TBC1D30: variants seen among roughly 807,000 people sequenced by gnomAD.
TBC1D30 encodes TBC1 domain family, member 30.
A neutral mutation model predicts 63.2 loss-of-function variants in TBC1D30; 31 were observed. That is an observed-to-expected ratio of 0.49 (90% CI 0.37 to 0.66). The LOEUF is 0.66. Ranked by LOEUF, TBC1D30 falls within the 30% of genes least tolerant of loss-of-function variation. The pLI is 0.00. For synonymous variants in TBC1D30, 307 were observed against 361.5 expected (o/e 0.85, Z 1.71); for missense variants, 810 against 953.6 (o/e 0.85, Z 1.98).
chr12:64,870,588 T>C lies in TBC1D30; in HGVS notation c.1292-14T>C. The C allele has an allele frequency of 6.5e-7, 1 of 1,535,560 alleles. No individual in the cohort carries two copies. The highest frequency in any genetic ancestry group is 8.7e-7 in the Non-Finnish European group (1 of 1,146,354). On this transcript the variant is annotated splice_polypyrimidine_tract_variant and intron_variant, in intron 10 of 11. Coordinates refer to ENST00000539867, the MANE Select transcript of TBC1D30 (RefSeq NM_015279.2). ...CCACCGACCATCTCCTTATGTCTCA[T>C]CCTTCGAGCGCAGAGCCAAATGAGG...
rs974888665 is a variant in TBC1D30 at position 64,878,784 on chromosome 12, T to C, written c.*2996T>C. 3.4e-5 allele frequency: 10 copies of C among 296,830 alleles called. No homozygotes were observed. Among genetic ancestry groups the C allele is most frequent in the Middle Eastern group, 2.5e-3 (2 of 790 alleles). 18.4% of individuals were successfully genotyped at this position (296,830 alleles called of 1,614,324 possible). A position where few individuals can be genotyped will look rare whatever the true frequency, so the allele number is the denominator to read the frequency against. ...ATAAGCTCTATCTCCCCCAGTCTAA[T>C]CGCTGGGTTGCAGGGTGGCCTGTGA... On this transcript the variant is annotated 3_prime_UTR_variant, in exon 12 of 12. Transcript: ENST00000539867.
chr12:64,864,444 C>T (rs987577107), intron 8 of TBC1D30, among the ~76,000 whole-genome samples: 5 of 152,156 alleles, frequency 3.3e-5, no homozygotes, highest in Non-Finnish European at 5.9e-5. Flanking sequence ...TTGGAATGCC[C>T]AGCTGCAGCT....
intron 1 of TBC1D30, among the ~76,000 whole-genome samples, chr12:64,783,758 C>A (rs896696051): frequency 1.2e-4 from 18 of 150,906 alleles, no homozygotes; most frequent in Non-Finnish European, 1.0e-4. Flanking sequence ...ATGTAAGAAC[C>A]CTTTTGTGGA....
Position 64,875,622 on chromosome 12 carries a change from C to T in TBC1D30, c.2120C>T (p.Pro707Leu). The change falls in exon 12 of 12, where the codon CCC becomes CTC. Residue 707 changes from proline to leucine, a missense_variant. Transcript: ENST00000539867. ...KAPQGSNSKT[P>L]IFSPFPSVKP... is the part of the protein sequence containing the mutation. ...CCCCAAGGCAGCAACTCAAAAACCC[C>T]CATCTTTAGCCCTTTTCCCAGCGTC... 6.5e-7 allele frequency: 1 copy of T among 1,536,240 alleles called. No homozygotes were observed. The highest frequency in any genetic ancestry group is 8.7e-7 in the Non-Finnish European group (1 of 1,146,944).
chr12:64,880,478 T>A lies in TBC1D30; in HGVS notation c.*4690T>A, dbSNP rs1191600231. The stretch of plus-strand genomic sequence containing the variant: ...AAGGGCCCTCTTCCTGGTTTGCAGA[T>A]GGCTACCTTCTCACTGTGTCCTCAC... On this transcript the variant is annotated 3_prime_UTR_variant, in exon 12 of 12. Coordinates refer to ENST00000539867, the MANE Select transcript of TBC1D30 (RefSeq NM_015279.2). 1.3e-5 allele frequency: 2 copies of A among 152,274 alleles called. No individual in the cohort carries two copies. Among genetic ancestry groups the A allele is most frequent in the Non-Finnish European group, 2.9e-5 (2 of 68,074 alleles). The allele number at this position is 152,274 out of a possible 1,614,324, so 9.4% of individuals were successfully genotyped here. A position where few individuals can be genotyped will look rare whatever the true frequency, so the allele number is the denominator to read the frequency against.
chr12:64,875,119 C>T lies in TBC1D30; in HGVS notation c.1617C>T (p.Ile539=). Residue 539 remains isoleucine, a synonymous_variant, in exon 12 of 12, where the codon ATC becomes ATT. Transcript: ENST00000539867. ...ACAGAGCTGCCAAGAATGCTGTCAT[C>T]CACATCCCTGGTCACACAGGAGGGA... ...MTNRAAKNAV[I]HIPGHTGGKI... is the part of the protein sequence containing the mutation. The T allele has an allele frequency of 6.5e-7, 1 of 1,536,516 alleles. No individual in the cohort carries two copies. Among genetic ancestry groups the T allele is most frequent in the Non-Finnish European group, 8.7e-7 (1 of 1,146,948 alleles).
At chr12:64,793,631 A>G (rs1291228665) in intron 2 of TBC1D30, among the ~76,000 whole-genome samples, 1 of 152,206 alleles carries the variant, frequency 6.6e-6, no homozygotes, top group Non-Finnish European at 1.5e-5. Flanking sequence ...ACTGCACTCC[A>G]GCCTGGGCAA....
chr12:64,865,802 A>G (rs1039362020), intron 9 of TBC1D30, among the ~76,000 whole-genome samples: 13 of 152,188 alleles, frequency 8.5e-5, no homozygotes, highest in South Asian at 4.2e-4. Context: ...ATAGTATATT[A>G]TTGGAAACCA....
In TBC1D30 at chr12:64,780,582, G is replaced by C. The variant is rs1871214015; in HGVS notation, c.-227G>C. On this transcript the variant is annotated 5_prime_UTR_variant, in exon 1 of 13. Transcript: ENST00000542120. ...CGGGCCCGGGCAGCAGGTGGCCCCA[G>C]GTAGCTCAGTGGCGTGGCAGTCTCC... Among the ~76,000 whole-genome samples the C allele has an allele frequency of 2.0e-5, 3 of 152,226 alleles. No individual in the cohort carries two copies. The South Asian group carries it at 6.2e-4, about 32-fold the overall frequency.
chr12:64,836,529 T>A lies in TBC1D30; in HGVS notation c.634T>A (p.Tyr212Asn). Residue 212 changes from tyrosine to asparagine, a missense_variant, in exon 6 of 12, where the codon TAT (tyrosine) becomes AAT (asparagine). By Grantham distance (143) the Tyr-to-Asn change is moderately radical. Coordinates refer to ENST00000539867, the MANE Select transcript of TBC1D30 (RefSeq NM_015279.2). ...TATTGATAAGGTACTTCCCGAAAGC[T>A]ATTTCGTCAATAATCTCCGGGCATT... ...YLIDKVLPES[Y>N]FVNNLRALSV... 1 of 1,536,048 alleles carries A rather than the reference T, an allele frequency of 6.5e-7. No homozygotes were observed. Among genetic ancestry groups the A allele is most frequent in the Non-Finnish European group, 8.7e-7 (1 of 1,146,846 alleles).
At chr12:64,802,351 A>T (rs1281496264) in intron 2 of TBC1D30, among the ~76,000 whole-genome samples, 1 of 151,878 alleles carries the variant, frequency 6.6e-6, no homozygotes, top group African/African-American at 2.4e-5. Context: ...CTGGGTGGAG[A>T]CGAAAAGGGT....
intron 1 of TBC1D30, among the ~76,000 whole-genome samples, chr12:64,762,798 T>G (rs2136266622): frequency 6.6e-6 from 1 of 152,250 alleles, no homozygotes; most frequent in South Asian, 2.1e-4. Context: ...ATAATTTAGT[T>G]TTTTCTCTAG....
chr12:64,774,496 T>G lies in TBC1D30; in HGVS notation c.-375-11385T>G, dbSNP rs574029905. On this transcript the variant is annotated intron_variant, in intron 1 of 13. Coordinates refer to the TBC1D30 transcript ENST00000674237. ...TCCCCAAGACACATAATTAACACAT[T>G]CCCTAAGGTCAAAATGAAAGAAAAA... Among the ~76,000 whole-genome samples the G allele has an allele frequency of 2.0e-5, 3 of 151,946 alleles. No homozygotes were observed. In the South Asian group the frequency reaches 6.2e-4, roughly 32 times the overall value.
chr12:64,812,329 T>C (rs1873264284), intron 2 of TBC1D30, among the ~76,000 whole-genome samples: 1 of 152,226 alleles, frequency 6.6e-6, no homozygotes, highest in Non-Finnish European at 1.5e-5. Context: ...CTGCCCAGTG[T>C]CTGATCCACA....
intron 1 of TBC1D30, among the ~76,000 whole-genome samples, chr12:64,772,460 C>T (rs1164178386): frequency 2.0e-5 from 3 of 151,852 alleles, no homozygotes; most frequent in African/African-American, 4.8e-5. Flanking sequence ...GACAGAGTCT[C>T]ACTCTGTCGC....
In TBC1D30 at chr12:64,793,839, A is replaced by G. The variant is rs541731289; in HGVS notation, c.643+7794A>G. Among the ~76,000 whole-genome samples the G allele has an allele frequency of 5.3e-5, 8 of 152,294 alleles. 1 individual carries two copies. In the South Asian group the frequency reaches 1.7e-3, roughly 32 times the overall value. ...CTCCACTCCCTACTGGCTGGGCTCC[A>G]TCTGCATGCACTGCCATCCTGGGAG... On this transcript the variant is annotated intron_variant, in intron 2 of 12. Coordinates refer to the TBC1D30 transcript ENST00000542120.
chr12:64,770,961 C>G (rs1164886177), intron 1 of TBC1D30, among the ~76,000 whole-genome samples: 3 of 151,816 alleles, frequency 2.0e-5, no homozygotes, highest in Non-Finnish European at 2.9e-5. Context: ...ATCTGCCCAC[C>G]TCAGCAGATC....
Position 64,878,727 on chromosome 12 carries a change from C to G in TBC1D30, c.*2939C>G, listed in dbSNP as rs774138898. 5.6e-6 allele frequency: 2 copies of G among 356,120 alleles called. No homozygotes were observed. The highest frequency in any genetic ancestry group is 7.4e-5 in the East Asian group (1 of 13,544). The allele number at this position is 356,120 out of a possible 1,614,324, so 22.1% of individuals were successfully genotyped here. ...TTCCTTCACCCCCAACCCCAGACCC[C>G]CCTTGGTCACATGAACCAGGGAAAC... On this transcript the variant is annotated 3_prime_UTR_variant, in exon 12 of 12. Coordinates refer to ENST00000539867, the MANE Select transcript of TBC1D30 (RefSeq NM_015279.2).
intron 7 of TBC1D30, among the ~76,000 whole-genome samples, chr12:64,839,877 C>A (rs899391523): frequency 3.0e-4 from 45 of 151,800 alleles, no homozygotes; most frequent in Admixed American, 3.0e-3. Flanking sequence ...TAGTGGTGGG[C>A]ACCTGTATTC....
Sources: allele counts gnomAD v4.1 joint callset (sites outside exome capture counted in the v4.1 genomes callset), GRCh38; gene constraint gnomAD v4.1.1; transcripts MANE v1.5; gene names NCBI Gene and HGNC (gene_info 2026-07-23, HGNC 2026-07-21).